Variants in ADGRB3 observed in about 807,000 individuals in gnomAD.
ADGRB3 encodes adhesion G protein-coupled receptor B3.
Under a neutral mutation model 193.4 loss-of-function variants are expected in ADGRB3, and 37 were observed. The observed-to-expected ratio is 0.19, with a 90% CI of 0.15 to 0.25. The LOEUF is 0.25. ADGRB3 is among the 10% of genes least tolerant of loss of function. The pLI is 1.00. For missense variants in ADGRB3, 1,637 were observed against 1,852.9 expected (o/e 0.88, Z 2.14); for synonymous variants, 690 against 644.2 (o/e 1.07, Z -1.08).
At chr6:68,945,815 A>G (rs1767761143) in intron 6 of ADGRB3, among the ~76,000 whole-genome samples, 1 of 152,132 alleles carries the variant, frequency 6.6e-6, no homozygotes, top group Non-Finnish European at 1.5e-5. Context: ...TTCAGATGTG[A>G]AAACTTATTT....
At chr6:68,972,255 T>C (rs1052507344) in intron 8 of ADGRB3, among the ~76,000 whole-genome samples, 1 of 152,234 alleles carries the variant, frequency 6.6e-6, no homozygotes, top group Non-Finnish European at 1.5e-5. Context: ...TTTTGATTTA[T>C]GATAGGTCCT....
intron 3 of ADGRB3, among the ~76,000 whole-genome samples, chr6:68,865,629 G>A (rs1765275844): frequency 6.6e-6 from 1 of 152,066 alleles, no homozygotes; most frequent in Non-Finnish European, 1.5e-5. Context: ...TTATCTGGTG[G>A]ACAGCTCTTT....
chr6:68,795,211 T>G (rs1767183022), intron 3 of ADGRB3, among the ~76,000 whole-genome samples: 1 of 151,972 alleles, frequency 6.6e-6, no homozygotes, highest in Non-Finnish European at 1.5e-5. Context: ...CACTGGAAAC[T>G]TATCACTTTA....
intron 13 of ADGRB3, among the ~76,000 whole-genome samples, chr6:69,032,703 T>C (rs1582408702): frequency 6.6e-6 from 1 of 152,290 alleles, no homozygotes; most frequent in East Asian, 1.9e-4. Flanking sequence ...TAAATAAGTA[T>C]TCATGTGAAT....
chr6:68,862,236 C>A (rs1220079994), intron 3 of ADGRB3, among the ~76,000 whole-genome samples: 1 of 151,384 alleles, frequency 6.6e-6, no homozygotes, highest in Non-Finnish European at 1.5e-5. Context: ...TTTCCAAAAT[C>A]TGACCATCTT....
intron 15 of ADGRB3, among the ~76,000 whole-genome samples, chr6:69,053,597 C>G (rs1771460901): frequency 6.6e-6 from 1 of 152,194 alleles, no homozygotes; most frequent in Non-Finnish European, 1.5e-5. Context: ...GTCACACCTC[C>G]CATTCCCCCT....
Position 69,021,383 on chromosome 6 carries a change from A to G in ADGRB3, c.2107+2884A>G, listed in dbSNP as rs1385359288. Among the ~76,000 whole-genome samples, 3 of 152,034 alleles carry G rather than the reference A, an allele frequency of 2.0e-5. No individual in the cohort carries two copies. The East Asian group carries it at 5.8e-4, about 29-fold the overall frequency. On this transcript the variant is annotated intron_variant, in intron 13 of 31. Transcript: ENST00000370598. Reference sequence around the variant, plus strand: ...GTCAAATATGAATGCCAAAATGACCATGCAATTTAATAAAAGACTCTCAGA... The same window carrying G: ...GTCAAATATGAATGCCAAAATGACCGTGCAATTTAATAAAAGACTCTCAGA...
At chr6:69,070,459 AGATGCAT>A (rs1210471169) in intron 16 of ADGRB3, among the ~76,000 whole-genome samples, 2 of 152,218 alleles carry the variant, frequency 1.3e-5, no homozygotes, top group African/African-American at 4.8e-5. Context: ...AAGTTTCAGT[AGATGCAT>A]GGGAGGAATA....
At chr6:68,968,909 C>G (rs1768473405) in intron 8 of ADGRB3, among the ~76,000 whole-genome samples, 1 of 151,896 alleles carries the variant, frequency 6.6e-6, no homozygotes, top group Non-Finnish European at 1.5e-5. Flanking sequence ...AAATAAAATC[C>G]AAAATTCACT....
intron 3 of ADGRB3, among the ~76,000 whole-genome samples, chr6:68,840,069 A>G (rs996911409): frequency 1.3e-5 from 2 of 152,170 alleles, no homozygotes; most frequent in African/African-American, 2.4e-5. Context: ...GAGTTCTGGC[A>G]AAACTCACCA....
chr6:68,848,313 T>A (rs990738959), intron 3 of ADGRB3, among the ~76,000 whole-genome samples: 1 of 152,058 alleles, frequency 6.6e-6, no homozygotes, highest in African/African-American at 2.4e-5. Flanking sequence ...CAATCTATTA[T>A]CCCTATTAAT....
intron 26 of ADGRB3, 116 bp from the exon 27 acceptor site, chr6:69,354,117 T>A: frequency 1.6e-6 from 1 of 612,746 alleles, no homozygotes; most frequent in Admixed American, 2.5e-5. Flanking sequence ...GTAAACAAAA[T>A]CAGTATAAGA....
chr6:69,139,527 A>G (rs901766480), intron 17 of ADGRB3, among the ~76,000 whole-genome samples: 2 of 152,240 alleles, frequency 1.3e-5, no homozygotes, highest in Non-Finnish European at 2.9e-5. Flanking sequence ...TTATTAATGC[A>G]ATGGAATTAT....
intron 25 of ADGRB3, 84 bp downstream of exon 25, chr6:69,339,098 T>G: frequency 6.9e-7 from 1 of 1,444,294 alleles, no homozygotes; most frequent in Non-Finnish European, 9.7e-7. Context: ...AAAATTGTGT[T>G]TTCTAATACA....
intron 3 of ADGRB3, among the ~76,000 whole-genome samples, chr6:68,642,276 T>C (rs1768101311): frequency 1.3e-5 from 2 of 152,156 alleles, no homozygotes; most frequent in African/African-American, 2.4e-5. Flanking sequence ...CAGATTGTTT[T>C]GTGTAATACT....
intron 3 of ADGRB3, among the ~76,000 whole-genome samples, chr6:68,910,940 A>G (rs1766686516): frequency 6.6e-6 from 1 of 152,122 alleles, no homozygotes; most frequent in African/African-American, 2.4e-5. Context: ...CAATTCTGTT[A>G]AGAAAGTCAT....
Position 69,080,317 on chromosome 6 carries a change from T to C in ADGRB3, c.2480+4279T>C, listed in dbSNP as rs150059510. Reference sequence around the variant, plus strand: ...GAAAAATATGTTCCTCTTAGAAATTTTAAATACTTATACAAAGTGTTACTA... The same window carrying C: ...GAAAAATATGTTCCTCTTAGAAATTCTAAATACTTATACAAAGTGTTACTA... On this transcript the variant is annotated intron_variant, in intron 17 of 31. Coordinates refer to ENST00000370598, the MANE Select transcript of ADGRB3 (RefSeq NM_001704.3). Among the ~76,000 whole-genome samples, 477 of 152,206 alleles carry C rather than the reference T, an allele frequency of 3.1e-3. 3 individuals are homozygous for C. Among genetic ancestry groups the C allele is most frequent in the African/African-American group, 0.01 (435 of 41,566 alleles).
chr6:68,975,620 A>G (rs1768720588), intron 10 of ADGRB3, among the ~76,000 whole-genome samples: 1 of 152,216 alleles, frequency 6.6e-6, no homozygotes, highest in African/African-American at 2.4e-5. Flanking sequence ...AGTTTTACCT[A>G]TAAAAGTTAA....
intron 20 of ADGRB3, among the ~76,000 whole-genome samples, chr6:69,315,724 T>C (rs1268449601): frequency 1.3e-5 from 2 of 151,500 alleles, no homozygotes; most frequent in Non-Finnish European, 3.0e-5. Context: ...TTTTATTCCA[T>C]GTGAATAGCA....
Sources: gnomAD v4.1 joint callset for allele counts (sites outside exome capture counted in the v4.1 genomes callset) on GRCh38, gnomAD v4.1.1 for gene constraint, MANE v1.5 for transcripts, NCBI Gene and HGNC (gene_info 2026-07-23, HGNC 2026-07-21) for gene names.